Variants in LAMA5 observed in about 807,000 individuals in gnomAD.
LAMA5 encodes the protein laminin subunit alpha 5, also known as laminin subunit alpha-5.
Under a neutral mutation model 433.4 loss-of-function variants are expected in LAMA5, and 260 were observed. The ratio of observed to expected loss-of-function variants is 0.60; its 90% CI spans 0.54 to 0.66. The LOEUF is 0.66. LAMA5 is among the 30% of genes least tolerant of loss of function. The pLI, the probability that LAMA5 is intolerant of heterozygous loss-of-function variation, is 0.00. For synonymous variants in LAMA5, 2,620 were observed against 2,226.6 expected, an observed-to-expected ratio of 1.18 and a Z score of -4.97; for missense variants, 5,378 against 5,258.5, an observed-to-expected ratio of 1.02 and a Z score of -0.70.
intron 28 of LAMA5, among the ~76,000 whole-genome samples, chr20:62,331,516 C>T (rs879280623): frequency 2.0e-5 from 3 of 152,130 alleles, no homozygotes; most frequent in Non-Finnish European, 4.4e-5. Flanking sequence ...CTTCCTCCCC[C>T]TCGCCCTCCC....
Position 62,359,398 on chromosome 20 carries a change from CA to C in LAMA5, c.450+3001del, listed in dbSNP as rs1985703077. ...AAGGGCCTGGACCCTGCGGCAGAGCCAGGGGGTGGGGGAGCTCAAGCCAGGA... is the reference window on the plus strand; with the variant it reads ...AAGGGCCTGGACCCTGCGGCAGAGCCGGGGGTGGGGGAGCTCAAGCCAGGA... On this transcript the variant is annotated intron_variant, in intron 2 of 79. Transcript: ENST00000252999. The surrounding 1 kb of genome is among the most constrained non-coding windows in gnomAD (Gnocchi z 4.3). Among the ~76,000 whole-genome samples the C allele has an allele frequency of 1.3e-5, 2 of 152,126 alleles. No individual in the cohort carries two copies. The highest frequency in any genetic ancestry group is 2.9e-5 in the Non-Finnish European group (2 of 68,008).
Position 62,362,398 on chromosome 20 carries a change from A to G in LAMA5, c.450+2T>C. The G allele has an allele frequency of 6.5e-7, 1 of 1,526,854 alleles. No individual in the cohort carries two copies. Among genetic ancestry groups the G allele is most frequent in the Non-Finnish European group, 8.9e-7 (1 of 1,129,596 alleles). The allele number at this position is 1,526,854 out of a possible 1,614,324, so 94.6% of individuals were successfully genotyped here. ...CTGCAGCACGCAAAGAAGGGTCCCT[A>G]CCTGGCCCAGGTCCAGGGTGACGTT... On this transcript the variant is annotated splice_donor_variant, in intron 2 of 79. Coordinates refer to ENST00000252999, the MANE Select transcript of LAMA5 (RefSeq NM_005560.6). LOFTEE classifies it high-confidence loss of function.
chr20:62,342,385 C>G, intron 11 of LAMA5: 1 of 288,720 alleles, frequency 3.5e-6, no homozygotes, highest in South Asian at 2.5e-5. Context: ...TGTTGAAAAA[C>G]AGGTATCAGA....
chr20:62,352,058 C>G lies in LAMA5; in HGVS notation c.709G>C (p.Gly237Arg). 1.2e-6 allele frequency: 2 copies of G among 1,612,076 alleles called. No individual in the cohort carries two copies. Among genetic ancestry groups the G allele is most frequent in the Non-Finnish European group, 1.7e-6 (2 of 1,179,868 alleles). ...GAGAAATTCATGGCGCCCGGACGTCCGTTCACCAGGGACACCACGATCTGT... is the reference window on the plus strand; with the variant it reads ...GAGAAATTCATGGCGCCCGGACGTCGGTTCACCAGGGACACCACGATCTGT... ...NGEIVVSLVNGRPGAMNFSYS... is the reference protein window; with the variant it reads ...NGEIVVSLVNRRPGAMNFSYS... Residue 237 changes from glycine to arginine, a missense_variant, in exon 5 of 80, where the codon GGA (glycine) becomes CGA (arginine). Physicochemically the swap from Gly to Arg is moderately radical, Grantham distance 125 (BLOSUM62 -2). Coordinates refer to ENST00000252999, the MANE Select transcript of LAMA5 (RefSeq NM_005560.6).
At chr20:62,356,594 C>T (rs1382809015) in intron 2 of LAMA5, 1 of 152,310 alleles carries the variant, frequency 6.6e-6, no homozygotes, top group Non-Finnish European at 1.5e-5. Flanking sequence ...CCCAGCTTGC[C>T]CTGGGAGGGC....
intron 11 of LAMA5, among the ~76,000 whole-genome samples, chr20:62,343,930 A>G (rs370347744): frequency 1.2e-4 from 18 of 151,816 alleles, no homozygotes; most frequent in African/African-American, 4.1e-4. Context: ...GGATTACCTG[A>G]GGTTGGGAGT....
intron 59 of LAMA5, 26 bp from the exon 60 acceptor site, chr20:62,314,973 T>C: frequency 2.5e-6 from 4 of 1,580,582 alleles, no homozygotes; most frequent in Middle Eastern, 1.7e-4. Context: ...CCTGAGACCT[T>C]TGCCCCCCAC....
At chr20:62,351,177 T>C in intron 6 of LAMA5, 1 of 170,964 alleles carries the variant, frequency 5.8e-6, no homozygotes, top group Middle Eastern at 3.0e-3. Flanking sequence ...GTCCTGGGCC[T>C]TGGTCCCTGC....
rs373824354 is a variant in LAMA5, at chr20:62,334,350, C to A, written c.2583-8G>T. On this transcript the variant is annotated splice_region_variant and splice_polypyrimidine_tract_variant and intron_variant, in intron 21 of 79. Coordinates refer to ENST00000252999, the MANE Select transcript of LAMA5 (RefSeq NM_005560.6). ...TAGTGGTCCCTCGCAGGCCTGGCCA[C>A]AGCAGGGGCTGGTCAGGTGCAGCTT... is the stretch of plus-strand genomic sequence containing the variant. 1 of 1,590,596 alleles carries A rather than the reference C, an allele frequency of 6.3e-7. No homozygotes were observed. The highest frequency in any genetic ancestry group is 1.8e-4 in the Middle Eastern group (1 of 5,532).
chr20:62,362,682 CT>C, intron 1 of LAMA5, 130 bp from the exon 2 acceptor site: 1 of 747,952 alleles, frequency 1.3e-6, no homozygotes, highest in Admixed American at 4.0e-5. Context: ...CTCTGCGCCC[CT>C]CATCCACTTG....
At chr20:62,332,243 G>A in intron 28 of LAMA5, 129 bp downstream of exon 28, 2 of 668,852 alleles carry the variant, frequency 3.0e-6, no homozygotes, top group South Asian at 1.8e-5. Context: ...GAAACATGCT[G>A]GGCTGGGCAT....
chr20:62,325,013 T>G, intron 41 of LAMA5: 1 of 306,246 alleles, frequency 3.3e-6, no homozygotes, highest in South Asian at 4.9e-5. Context: ...GGATGGTCGG[T>G]GGGGGATGTC....
At chr20:62,352,170 T>TCGGCA (rs1984427788) in intron 4 of LAMA5, 72 bp downstream of exon 4, 19 of 1,574,870 alleles carry the variant, frequency 1.2e-5, no homozygotes, top group Non-Finnish European at 1.6e-5. Context: ...CCAGCCCCGC[T>TCGGCA]CGGCACTGCC....
intron 30 of LAMA5, 47 bp from the exon 31 acceptor site, chr20:62,330,661 T>TGCC (rs755774410): frequency 2.4e-5 from 37 of 1,565,632 alleles, no homozygotes; most frequent in Non-Finnish European, 2.9e-5. Context: ...GAGCCCCTGC[T>TGCC]GCCCCCTGGA....
At chr20:62,310,620 G>T (rs1441434703) in intron 75 of LAMA5, 45 bp downstream of exon 75, 1 of 1,586,306 alleles carries the variant, frequency 6.3e-7, no homozygotes, top group Non-Finnish European at 8.5e-7. Flanking sequence ...CAGCTGAAAG[G>T]GAACAGTGGG....
At chr20:62,311,592 C>T (rs1339580087) in intron 71 of LAMA5, 22 bp downstream of exon 71, 2 of 1,607,876 alleles carry the variant, frequency 1.2e-6, no homozygotes, top group Admixed American at 3.4e-5. Context: ...GGACCTTGTC[C>T]CCCAGCGCCC....
Position 62,317,387 on chromosome 20 carries a change from G to A in LAMA5, c.7469C>T (p.Ala2490Val). The A allele has an allele frequency of 6.2e-7, 1 of 1,609,664 alleles. No homozygotes were observed. The highest frequency in any genetic ancestry group is 1.7e-4 in the Middle Eastern group (1 of 5,940). The change falls in exon 55 of 80, where the codon GCC becomes GTC. Residue 2490 changes from alanine to valine, a missense_variant. Coordinates refer to ENST00000252999, the MANE Select transcript of LAMA5 (RefSeq NM_005560.6). ...SKLRLVEAAEAHAQQLGQLAL... is the reference protein window; with the variant it reads ...SKLRLVEAAEVHAQQLGQLAL... Reference sequence around the variant, plus strand: ...CAGCTGGCCCAGCTGCTGTGCGTGGGCCTCGGCGGCCTCCACTAGACGCAG... The same window carrying A: ...CAGCTGGCCCAGCTGCTGTGCGTGGACCTCGGCGGCCTCCACTAGACGCAG...
chr20:62,317,839 TG>T (rs1165389677), intron 53 of LAMA5, 61 bp from the exon 54 acceptor site: 23 of 612,096 alleles, frequency 3.8e-5, no homozygotes, highest in Non-Finnish European at 1.6e-5. Context: ...AAGGATGTGA[TG>T]GGGTGGACAG....
At chr20:62,336,916 T>C (rs975124893) in intron 16 of LAMA5, 130 bp from the exon 17 acceptor site, 1 of 883,062 alleles carries the variant, frequency 1.1e-6, no homozygotes, top group African/African-American at 1.6e-5. Flanking sequence ...CTCATCCACA[T>C]GGACGGCCTG....
Sources: allele counts gnomAD v4.1 joint callset (sites outside exome capture counted in the v4.1 genomes callset), GRCh38; gene constraint gnomAD v4.1.1; non-coding constraint Gnocchi (gnomAD v3.1); transcripts MANE v1.5; gene names NCBI Gene and HGNC (gene_info 2026-07-23, HGNC 2026-07-21).